CSMD1: variants seen among roughly 807,000 people sequenced by gnomAD.
CSMD1 encodes the protein CUB and sushi domain-containing protein 1.
Under a neutral mutation model 417.5 loss-of-function variants are expected in CSMD1, and 213 were observed. The ratio of observed to expected loss-of-function variants is 0.51; its 90% CI spans 0.46 to 0.57. The LOEUF (loss-of-function observed/expected upper bound fraction) is 0.57, where lower values mean the gene tolerates loss of function less well. Among genes scored for constraint, CSMD1 ranks in the 20% least tolerant of loss-of-function variants. CSMD1 has a pLI of 0.00. For missense variants in CSMD1, 6,923 were observed against 4,529.7 expected, an observed-to-expected ratio of 1.53 and a Z score of -15.17; for synonymous variants, 2,862 against 1,736.8, an observed-to-expected ratio of 1.65 and a Z score of -16.11.
intron 10 of CSMD1, among the ~76,000 whole-genome samples, chr8:3,530,184 T>C (rs577117419): frequency 1.3e-5 from 2 of 152,214 alleles, no homozygotes; most frequent in Admixed American, 1.3e-4. Flanking sequence ...CAATCTTTAT[T>C]AATTCCTTCT....
At chr8:3,716,075 A>G (rs2129042773) in intron 6 of CSMD1, among the ~76,000 whole-genome samples, 1 of 152,310 alleles carries the variant, frequency 6.6e-6, no homozygotes, top group Non-Finnish European at 1.5e-5. Context: ...CTCTGAAACA[A>G]TCAGCCACTT....
At chr8:3,560,602 C>T (rs538348920) in intron 10 of CSMD1, among the ~76,000 whole-genome samples, 5 of 152,050 alleles carry the variant, frequency 3.3e-5, no homozygotes, top group Non-Finnish European at 7.4e-5. Flanking sequence ...AATGGAAAGG[C>T]TAGAGAAAAG....
At chr8:3,591,601 C>G (rs539437615) in intron 8 of CSMD1, among the ~76,000 whole-genome samples, 1 of 152,308 alleles carries the variant, frequency 6.6e-6, no homozygotes, top group African/African-American at 2.4e-5. Flanking sequence ...TACTGACTGG[C>G]TAGGTAAGGA....
chr8:4,761,052 C>T (rs1223948322), intron 1 of CSMD1, among the ~76,000 whole-genome samples: 6 of 151,740 alleles, frequency 4.0e-5, no homozygotes, highest in Admixed American at 6.6e-5. Context: ...ATCTCGGAGC[C>T]CAGAGTGATT....
At chr8:3,694,297 C>T (rs1283216277) in intron 7 of CSMD1, among the ~76,000 whole-genome samples, 6 of 151,982 alleles carry the variant, frequency 3.9e-5, no homozygotes, top group Non-Finnish European at 5.9e-5. Flanking sequence ...ACTTCCTAGA[C>T]GTCGGCTTCC....
rs376174078 is a variant in CSMD1 at position 3,838,068 on chromosome 8, T to C, written c.819-84026A>G. ...GATTAGTGTGACTTGGAAACGGTTG[T>C]AGGGCTTTGGGAAAGCTGTAGCAGA... On this transcript the variant is annotated intron_variant, in intron 5 of 69. Transcript: ENST00000635120. Among the ~76,000 whole-genome samples, 8 of 152,210 alleles carry C rather than the reference T, an allele frequency of 5.3e-5. No homozygotes were observed. In the East Asian group the frequency reaches 5.8e-4, roughly 11 times the overall value.
intron 3 of CSMD1, among the ~76,000 whole-genome samples, chr8:4,399,801 T>C (rs571979348): frequency 5.9e-5 from 9 of 152,354 alleles, no homozygotes; most frequent in African/African-American, 2.2e-4. Context: ...ATGCATCTGC[T>C]TTTAGGAAGC....
intron 49 of CSMD1, among the ~76,000 whole-genome samples, chr8:3,069,004 T>C (rs1813144705): frequency 1.3e-5 from 2 of 152,136 alleles, no homozygotes; most frequent in African/African-American, 4.8e-5. Flanking sequence ...AAGCCTCATC[T>C]GAGACAAGGA....
At chr8:3,045,297 C>G (rs1045110508) in intron 50 of CSMD1, among the ~76,000 whole-genome samples, 1 of 152,106 alleles carries the variant, frequency 6.6e-6, no homozygotes, top group East Asian at 1.9e-4. Flanking sequence ...TTAATGGAAC[C>G]TGCAATAACT....
At chr8:3,806,528 C>T (rs1156784640) in intron 5 of CSMD1, among the ~76,000 whole-genome samples, 2 of 152,138 alleles carry the variant, frequency 1.3e-5, no homozygotes, top group South Asian at 4.1e-4. Context: ...TGCTTTGAGG[C>T]ATATTCACTC....
intron 1 of CSMD1, among the ~76,000 whole-genome samples, chr8:4,800,756 T>C (rs1451612886): frequency 6.6e-6 from 1 of 152,158 alleles, no homozygotes; most frequent in East Asian, 1.9e-4. Context: ...TTTGGTGGGA[T>C]GGGCTTTTGG....
rs1172854671 is a variant in CSMD1 at position 3,029,498 on chromosome 8, C to A, written c.7676G>T (p.Ser2559Ile). The A allele has an allele frequency of 3.1e-6, 5 of 1,597,916 alleles. No individual in the cohort carries two copies. The highest frequency in any genetic ancestry group is 4.3e-6 in the Non-Finnish European group (5 of 1,172,064). The change falls in exon 51 of 70, where the codon AGC becomes ATC. Residue 2559 changes from serine to isoleucine, a missense_variant. Transcript: ENST00000635120. ...PPTCKPVACP[S>I]IEAQLSEHVI... The stretch of plus-strand genomic sequence containing the variant: ...ATGTTCTGAGAGCTGAGCTTCAATG[C>A]TGGGGCAAGCGACCGCTGGAAGGGA...
intron 3 of CSMD1, among the ~76,000 whole-genome samples, chr8:4,345,186 C>T (rs984570158): frequency 1.3e-5 from 2 of 152,158 alleles, no homozygotes; most frequent in Non-Finnish European, 2.9e-5. Context: ...ACATGCAAGA[C>T]ATCGCATTGA....
rs569141910 is a variant in CSMD1, at chr8:4,798,291, T to C, written c.86-160733A>G. On this transcript the variant is annotated intron_variant, in intron 1 of 69. Coordinates refer to ENST00000635120, the MANE Select transcript of CSMD1 (RefSeq NM_033225.6). ...GTTTTCTGTCCTTGCGCTAGTTTGCTGAGAATGATGGTTTCTAGCTTCATC... is the reference window on the plus strand; with the variant it reads ...GTTTTCTGTCCTTGCGCTAGTTTGCCGAGAATGATGGTTTCTAGCTTCATC... Among the ~76,000 whole-genome samples the C allele has an allele frequency of 3.0e-4, 46 of 152,334 alleles. No homozygotes were observed. The South Asian group carries it at 8.9e-3, about 29-fold the overall frequency.
intron 3 of CSMD1, among the ~76,000 whole-genome samples, chr8:4,254,846 G>A (rs987462863): frequency 2.0e-5 from 3 of 152,140 alleles, no homozygotes; most frequent in African/African-American, 7.2e-5. Flanking sequence ...TACCATCTAG[G>A]TGGTCATATG....
chr8:4,562,113 G>A (rs1798370007), intron 2 of CSMD1, among the ~76,000 whole-genome samples: 2 of 152,324 alleles, frequency 1.3e-5, no homozygotes, highest in South Asian at 4.1e-4. Context: ...GAGGAGGGAA[G>A]AGTGTAGGAA....
chr8:4,128,280 T>A (rs140292052), intron 3 of CSMD1, among the ~76,000 whole-genome samples: 2 of 152,274 alleles, frequency 1.3e-5, no homozygotes, highest in East Asian at 3.9e-4. Context: ...TGAGTAAGAA[T>A]GATCTGAGAA....
At chr8:4,494,459 T>C (rs1427114861) in intron 2 of CSMD1, among the ~76,000 whole-genome samples, 1 of 152,218 alleles carries the variant, frequency 6.6e-6, no homozygotes, top group African/African-American at 2.4e-5. Flanking sequence ...GAAAACATTA[T>C]TATACTTTCA....
intron 9 of CSMD1, among the ~76,000 whole-genome samples, chr8:3,577,993 C>G (rs1486161190): frequency 6.6e-6 from 1 of 152,136 alleles, no homozygotes; most frequent in South Asian, 2.1e-4. Flanking sequence ...CGGTGGTGAA[C>G]AGAGTGTCTG....
Sources: gnomAD v4.1 joint callset for allele counts (sites outside exome capture counted in the v4.1 genomes callset) on GRCh38, gnomAD v4.1.1 for gene constraint, MANE v1.5 for transcripts, NCBI Gene and HGNC (gene_info 2026-07-23, HGNC 2026-07-21) for gene names.